UBE2H: variants seen among roughly 807,000 people sequenced by gnomAD.
UBE2H encodes the protein ubiquitin-conjugating enzyme E2 H.
In UBE2H, 3 loss-of-function variants were observed where a neutral mutation model predicts 29.0. That is an observed-to-expected ratio of 0.10 (90% confidence interval 0.05 to 0.27). The LOEUF (loss-of-function observed/expected upper bound fraction) is 0.27. Among genes scored for constraint, UBE2H ranks in the 10% least tolerant of loss-of-function variants. The pLI, the probability that UBE2H is intolerant of heterozygous loss-of-function variation, is 1.00. For missense variants in UBE2H, 68 were observed against 228.2 expected (o/e 0.30, Z 4.52); for synonymous variants, 69 against 82.9 (o/e 0.83, Z 0.91).
intron 1 of UBE2H, among the ~76,000 whole-genome samples, chr7:129,884,191 G>A (rs1463942686): frequency 2.0e-5 from 3 of 152,184 alleles, no homozygotes; most frequent in African/African-American, 7.2e-5. Context: ...GCCGATGCAG[G>A]TGGATCACGA....
Position 129,912,845 on chromosome 7 carries a change from A to C in UBE2H, c.54-31874T>G, listed in dbSNP as rs578148860. Among the ~76,000 whole-genome samples the C allele has an allele frequency of 2.6e-5, 4 of 152,244 alleles. No homozygotes were observed. The South Asian group carries it at 8.3e-4, about 32-fold the overall frequency. On this transcript the variant is annotated intron_variant, in intron 1 of 6. Coordinates refer to ENST00000355621, the MANE Select transcript of UBE2H (RefSeq NM_003344.4). The stretch of plus-strand genomic sequence containing the variant: ...GTACACTATGTTCAAGTTCAACAAG[A>C]ACTTAAAAGGCTCATTTTTAATAAT...
intron 3 of UBE2H, among the ~76,000 whole-genome samples, chr7:129,873,741 C>T (rs1806090886): frequency 6.6e-6 from 1 of 152,050 alleles, no homozygotes; most frequent in African/African-American, 2.4e-5. Context: ...CTCGGCCTCA[C>T]ATCAAGTTCT....
intron 1 of UBE2H, among the ~76,000 whole-genome samples, chr7:129,939,535 T>G (rs1388576991): frequency 6.6e-6 from 1 of 152,228 alleles, no homozygotes; most frequent in Admixed American, 6.5e-5. Flanking sequence ...TGGTGATCTC[T>G]TACTGATATG....
rs917591212 is a variant in UBE2H at position 129,847,031 on chromosome 7, A to ATTTT, written c.299-7700_299-7697dup. Among the ~76,000 whole-genome samples the ATTTT allele has an allele frequency of 7.7e-4, 116 of 151,186 alleles. 1 individual carries two copies. Among genetic ancestry groups the ATTTT allele is most frequent in the Non-Finnish European group, 1.3e-3 (86 of 67,826 alleles). On this transcript the variant is annotated intron_variant, in intron 5 of 6. Transcript: ENST00000355621. ...AATTATTATTATTATTATTATTATT[A>ATTTT]TTTTTTGAGACGGAGTCTCGCTCTA...
intron 1 of UBE2H, among the ~76,000 whole-genome samples, chr7:129,928,025 TAAAAA>T (rs71175049): frequency 7.8e-6 from 1 of 128,550 alleles, no homozygotes. Flanking sequence ...ATCTCAAAAT[TAAAAA>T]AAAAAAAAAA....
intron 3 of UBE2H, among the ~76,000 whole-genome samples, chr7:129,867,724 C>CAAAAAAAAAAAAAAAAAAAA (rs1473451530): frequency 1.9e-4 from 6 of 31,196 alleles, no homozygotes; most frequent in East Asian, 9.3e-4. Flanking sequence ...AAAAGAAAAC[C>CAAAAAAAAAAAAAAAAAAAA]AAAAAAAAAA....
chr7:129,929,939 G>C (rs1202886314), intron 1 of UBE2H, among the ~76,000 whole-genome samples: 2 of 152,184 alleles, frequency 1.3e-5, no homozygotes, highest in African/African-American at 2.4e-5. Context: ...GAACCCAGGA[G>C]GTGGAGGTTA....
At chr7:129,883,761 G>A (rs1267240180) in intron 1 of UBE2H, among the ~76,000 whole-genome samples, 1 of 152,196 alleles carries the variant, frequency 6.6e-6, no homozygotes, top group Non-Finnish European at 1.5e-5. Context: ...AGAATCGCTT[G>A]AATCCGGAAG....
chr7:129,904,596 T>A (rs912113241), intron 1 of UBE2H, among the ~76,000 whole-genome samples: 1 of 152,236 alleles, frequency 6.6e-6, no homozygotes, highest in East Asian at 1.9e-4. Context: ...GAAATTCGAC[T>A]TCCAAGAGGG....
At chr7:129,864,755 T>C (rs998758120) in intron 3 of UBE2H, among the ~76,000 whole-genome samples, 4 of 152,076 alleles carry the variant, frequency 2.6e-5, no homozygotes, top group African/African-American at 9.7e-5. Flanking sequence ...GGTTTCACCA[T>C]GTTAGCCAGG....
intron 3 of UBE2H, among the ~76,000 whole-genome samples, chr7:129,859,675 CCAGTTATT>C (rs2116320088): frequency 6.6e-6 from 1 of 152,280 alleles, no homozygotes; most frequent in South Asian, 2.1e-4. Context: ...ATTAATAAAA[CCAGTTATT>C]CAGTCAGTCA....
chr7:129,867,349 C>T (rs1256962421), intron 3 of UBE2H, among the ~76,000 whole-genome samples: 2 of 146,820 alleles, frequency 1.4e-5, no homozygotes, highest in African/African-American at 2.5e-5. Context: ...CACATATACA[C>T]CATGGAATAC....
At chr7:129,944,762 A>G (rs961963986) in intron 1 of UBE2H, among the ~76,000 whole-genome samples, 3 of 150,600 alleles carry the variant, frequency 2.0e-5, no homozygotes, top group South Asian at 2.1e-4. Flanking sequence ...GCACGCACGC[A>G]CGCGCATGCG....
intron 3 of UBE2H, chr7:129,865,156 C>G (rs1805878764): frequency 2.9e-6 from 1 of 349,598 alleles, no homozygotes; most frequent in African/African-American, 2.1e-5. Context: ...AAAAATATGC[C>G]TTGCTTTTGC....
At chr7:129,942,526 G>A (rs1807668898) in intron 1 of UBE2H, among the ~76,000 whole-genome samples, 1 of 152,104 alleles carries the variant, frequency 6.6e-6, no homozygotes, top group South Asian at 2.1e-4. Context: ...TGATATCAAA[G>A]GATATCCTAA....
At chr7:129,950,971 T>TC (rs1397337324) in intron 1 of UBE2H, among the ~76,000 whole-genome samples, 2 of 151,984 alleles carry the variant, frequency 1.3e-5, no homozygotes, top group East Asian at 1.9e-4. Flanking sequence ...AATCTCCCAC[T>TC]CCCCCAAAAA....
chr7:129,869,090 C>T (rs1374935444), intron 3 of UBE2H, among the ~76,000 whole-genome samples: 1 of 152,060 alleles, frequency 6.6e-6, no homozygotes, highest in East Asian at 1.9e-4. Context: ...GCATGTGCCA[C>T]CATGCCCAGC....
At chr7:129,839,584 T>C in intron 5 of UBE2H, 1 of 379,652 alleles carries the variant, frequency 2.6e-6, no homozygotes, top group Non-Finnish European at 4.7e-6. Context: ...TTTTCCCAAT[T>C]CTATTTCACT....
intron 1 of UBE2H, among the ~76,000 whole-genome samples, chr7:129,882,637 T>C (rs1806277784): frequency 6.6e-6 from 1 of 152,188 alleles, no homozygotes; most frequent in Admixed American, 6.5e-5. Context: ...CACACTAAAA[T>C]GATTCAATAC....
Sources: allele counts gnomAD v4.1 joint callset (sites outside exome capture counted in the v4.1 genomes callset), GRCh38; gene constraint gnomAD v4.1.1; transcripts MANE v1.5; gene names NCBI Gene and HGNC (gene_info 2026-07-23, HGNC 2026-07-21).